DLG2: variants seen among roughly 807,000 people sequenced by gnomAD.
DLG2 encodes the protein discs large MAGUK scaffold protein 2.
DLG2 carries 45 observed loss-of-function variants against 132.5 expected under a neutral mutation model. That is an observed-to-expected ratio of 0.34 (90% CI 0.27 to 0.44). The LOEUF is 0.44. DLG2 is among the 20% of genes least tolerant of loss of function. The pLI is 1.00. For missense variants in DLG2, 1,045 were observed against 1,196.9 expected (o/e 0.87, Z 1.87); for synonymous variants, 424 against 419.6 (o/e 1.01, Z -0.13).
intron 6 of DLG2, among the ~76,000 whole-genome samples, chr11:84,651,060 C>T (rs1271243868): frequency 6.6e-6 from 1 of 151,530 alleles, no homozygotes; most frequent in Non-Finnish European, 1.5e-5. Flanking sequence ...CAAACATTAT[C>T]TTACTTGACC....
At chr11:84,136,440 G>C (rs190266936) in intron 9 of DLG2, among the ~76,000 whole-genome samples, 8 of 152,252 alleles carry the variant, frequency 5.3e-5, no homozygotes, top group African/African-American at 1.4e-4. Context: ...GGCTTCAGTA[G>C]TACATCTCAC....
intron 6 of DLG2, among the ~76,000 whole-genome samples, chr11:85,017,735 A>G (rs1011815598): frequency 2.6e-5 from 4 of 152,178 alleles, no homozygotes; most frequent in African/African-American, 9.7e-5. Context: ...GATATCAGTC[A>G]ATACACAACC....
intron 6 of DLG2, among the ~76,000 whole-genome samples, chr11:84,669,087 A>T (rs929451508): frequency 6.6e-6 from 1 of 152,138 alleles, no homozygotes; most frequent in Non-Finnish European, 1.5e-5. Flanking sequence ...TAGGGTGGCC[A>T]GGGAAGGGCT....
At chr11:84,922,999 A>T in intron 6 of DLG2, 1 of 1,569,744 alleles carries the variant, frequency 6.4e-7, no homozygotes, top group Non-Finnish European at 8.8e-7. Flanking sequence ...AAAAGTCCTG[A>T]AGCTACACAA....
At chr11:84,623,167 T>A (rs1343724010) in intron 6 of DLG2, among the ~76,000 whole-genome samples, 2 of 152,158 alleles carry the variant, frequency 1.3e-5, no homozygotes, top group African/African-American at 2.4e-5. Flanking sequence ...ACTGGATATA[T>A]CCCAACTATT....
intron 7 of DLG2, among the ~76,000 whole-genome samples, chr11:84,354,458 G>A (rs1340654651): frequency 1.3e-5 from 2 of 152,010 alleles, no homozygotes; most frequent in African/African-American, 4.8e-5. Flanking sequence ...GAAGGAAATT[G>A]CACCTTTTTT....
chr11:84,503,952 C>G (rs1239336686), intron 7 of DLG2, among the ~76,000 whole-genome samples: 2 of 152,182 alleles, frequency 1.3e-5, no homozygotes, highest in African/African-American at 4.8e-5. Context: ...ACACTGCACT[C>G]TGATGAATTG....
chr11:84,062,867 G>C (rs754549514), intron 10 of DLG2, among the ~76,000 whole-genome samples: 1 of 152,064 alleles, frequency 6.6e-6, no homozygotes, highest in Admixed American at 6.6e-5. Context: ...ACTTGAAATA[G>C]ATTTTGGCTA....
chr11:84,554,727 C>T (rs748104454), intron 6 of DLG2, among the ~76,000 whole-genome samples: 14 of 151,812 alleles, frequency 9.2e-5, no homozygotes, highest in Admixed American at 2.0e-4. Context: ...GCCTGGGCAA[C>T]GAGAGTGAAA....
Position 84,251,291 on chromosome 11 carries a change from C to G in DLG2, c.520G>C (p.Ala174Pro). The G allele has an allele frequency of 6.3e-7, 1 of 1,576,664 alleles. No individual in the cohort carries two copies. The highest frequency in any genetic ancestry group is 8.6e-7 in the Non-Finnish European group (1 of 1,165,776). ...TTGACAATTATAGGAGCAGGACTGG[C>G]CTGAAAAAAGAAATAGAAAAAAAAT... Reference protein sequence around the residue: ...VLQSHISPLKASPAPIIVNTD... With the variant: ...VLQSHISPLKPSPAPIIVNTD... The change falls in exon 8 of 28, where the codon GCC (alanine) becomes CCC (proline). Residue 174 changes from alanine to proline, a missense_variant and splice_region_variant. Physicochemically the swap from Ala to Pro is conservative, Grantham distance 27. Around this residue, in one of 4 missense-constraint regions of DLG2, gnomAD observed 277 missense variants for 238.2 expected, o/e 1.16. Transcript: ENST00000376104.
intron 6 of DLG2, among the ~76,000 whole-genome samples, chr11:84,898,993 A>T (rs1410155237): frequency 6.6e-6 from 1 of 152,038 alleles, no homozygotes; most frequent in Non-Finnish European, 1.5e-5. Context: ...TCATTTTTGT[A>T]TTCCCAGTGC....
At chr11:85,070,859 T>C (rs1340575716) in intron 6 of DLG2, among the ~76,000 whole-genome samples, 1 of 151,888 alleles carries the variant, frequency 6.6e-6, no homozygotes, top group Non-Finnish European at 1.5e-5. Context: ...TCTATAATGT[T>C]ACAACTTTTA....
chr11:85,319,818 T>C (rs2152821682), intron 3 of DLG2, among the ~76,000 whole-genome samples: 1 of 152,042 alleles, frequency 6.6e-6, no homozygotes, highest in Middle Eastern at 3.4e-3. Flanking sequence ...GTGTCTCTGA[T>C]GACCTTCTCA....
intron 4 of DLG2, among the ~76,000 whole-genome samples, chr11:85,235,762 A>G (rs2075552920): frequency 2.6e-5 from 4 of 151,948 alleles, no homozygotes. Flanking sequence ...AGTAGGAAAT[A>G]CAGATGAAAA....
At chr11:84,164,216 C>G (rs1035393655) in intron 8 of DLG2, among the ~76,000 whole-genome samples, 5 of 152,144 alleles carry the variant, frequency 3.3e-5, no homozygotes, top group African/African-American at 1.2e-4. Flanking sequence ...AGCCAGGCAC[C>G]TTAGATTTCC....
At chr11:84,335,758 G>C (rs1454553168) in intron 7 of DLG2, among the ~76,000 whole-genome samples, 1 of 152,090 alleles carries the variant, frequency 6.6e-6, no homozygotes, top group Non-Finnish European at 1.5e-5. Context: ...GTGATATGAG[G>C]ATAATGATGT....
chr11:84,755,356 G>A (rs1358453666), intron 6 of DLG2, among the ~76,000 whole-genome samples: 15 of 152,336 alleles, frequency 9.8e-5, no homozygotes, highest in Non-Finnish European at 7.3e-5. Flanking sequence ...AAAATTTGCT[G>A]ATTTCTGGGC....
At chr11:84,844,946 A>C (rs748498106) in intron 6 of DLG2, among the ~76,000 whole-genome samples, 2 of 152,172 alleles carry the variant, frequency 1.3e-5, no homozygotes, top group Non-Finnish European at 2.9e-5. Flanking sequence ...AATCCAGTGA[A>C]TATGCATATT....
chr11:85,259,138 T>C (rs1246766402), intron 4 of DLG2, among the ~76,000 whole-genome samples: 6 of 152,144 alleles, frequency 3.9e-5, no homozygotes, highest in Non-Finnish European at 7.4e-5. Context: ...AGGTGGGGCC[T>C]AGTGAGAGGT....
Sources: allele counts gnomAD v4.1 joint callset (sites outside exome capture counted in the v4.1 genomes callset), GRCh38; gene constraint gnomAD v4.1.1; regional missense constraint gnomAD v4.1.1; transcripts MANE v1.5; gene names NCBI Gene and HGNC (gene_info 2026-07-23, HGNC 2026-07-21).